The following GPR143 variants were observed in gnomAD, a reference collection of about 807,000 sequenced individuals.
The protein encoded by GPR143 is G protein-coupled receptor 143, also known as G-protein coupled receptor 143.
GPR143 carries 8 observed loss-of-function variants against 27.6 expected under a neutral mutation model. That is an observed-to-expected ratio of 0.29 (90% CI 0.17 to 0.52). The LOEUF is 0.52. GPR143 is among the 20% of genes least tolerant of loss of function. The pLI, the probability that GPR143 is intolerant of heterozygous loss-of-function variation, is 0.96. For missense variants in GPR143, 303 were observed against 343.1 expected, an observed-to-expected ratio of 0.88 and a Z score of 0.92; for synonymous variants, 156 against 153.2, an observed-to-expected ratio of 1.02 and a Z score of -0.13.
chrX:9,763,670 TGTAA>T lies in GPR143; in HGVS notation c.250+1894_250+1897del, dbSNP rs781406581. ...ACGAATCCCACGTACAGGGATTCAC[TGTAA>T]GTGTTTCTATTATAGACTGCATTTA... On this transcript the variant is annotated intron_variant, in intron 1 of 8. Coordinates refer to ENST00000467482, the MANE Select transcript of GPR143 (RefSeq NM_000273.3). Among the ~76,000 whole-genome samples the T allele has an allele frequency of 5.0e-3, 563 of 111,930 alleles. 5 individuals carry two copies. Among genetic ancestry groups the T allele is most frequent in the African/African-American group, 0.018 (543 of 30,791 alleles).
chrX:9,772,646 T>G (rs768427449), intron 1 of GPR143, among the ~76,000 whole-genome samples: 8 of 108,491 alleles, frequency 7.4e-5, no homozygotes, highest in Admixed American at 4.0e-4. Flanking sequence ...ACCTCATCTC[T>G]ACTAAAATTC....
chrX:9,743,489 G>T lies in GPR143; in HGVS notation c.767+76C>A. The T allele has an allele frequency of 6.7e-6, 4 of 596,750 alleles. No individual in the cohort carries two copies. The Admixed American group carries it at 8.9e-5, about 13-fold the overall frequency. 49.2% of individuals were successfully genotyped at this position (596,750 alleles called of 1,213,427 possible). On this transcript the variant is annotated intron_variant, in intron 6 of 8. Coordinates refer to ENST00000467482, the MANE Select transcript of GPR143 (RefSeq NM_000273.3). ...TCTTCCCTTTGGAACTTCTGGTCAC[G>T]CATGCAACATGGCAAGTTGTTTCCA...
rs1472103145 is a variant in GPR143 at position 9,725,577 on chromosome X, C to T, written c.*169G>A. On this transcript the variant is annotated 3_prime_UTR_variant, in exon 9 of 9. Coordinates refer to ENST00000467482, the MANE Select transcript of GPR143 (RefSeq NM_000273.3). Reference sequence around the variant, plus strand: ...TCACACGTGTGTGCATGAACCCTTTCTCCTATCCTAAAGGCCCTTCGGGAA... The same window carrying T: ...TCACACGTGTGTGCATGAACCCTTTTTCCTATCCTAAAGGCCCTTCGGGAA... 4.4e-6 allele frequency: 2 copies of T among 449,654 alleles called. No individual in the cohort carries two copies. Among genetic ancestry groups the T allele is most frequent in the African/African-American group, 2.4e-5 (1 of 40,895 alleles). 37.1% of individuals were successfully genotyped at this position (449,654 alleles called of 1,213,427 possible). A position where few individuals can be genotyped will look rare whatever the true frequency, so the allele number is the denominator to read the frequency against.
At chrX:9,772,782 C>G (rs2083558581) in intron 1 of GPR143, among the ~76,000 whole-genome samples, 1 of 97,478 alleles carries the variant, frequency 1.0e-5, no homozygotes, top group African/African-American at 3.9e-5. Context: ...TCACTGCACT[C>G]CAGCCTGGGT....
chrX:9,763,219 G>A (rs905443984), intron 1 of GPR143, among the ~76,000 whole-genome samples: 7 of 110,872 alleles, frequency 6.3e-5, no homozygotes, highest in Non-Finnish European at 1.1e-4. Flanking sequence ...GATTACAGGC[G>A]TGAGCCACCG....
In GPR143 at chrX:9,760,836, A is replaced by G. The variant is rs1450893365; in HGVS notation, c.251-10T>C. 12 of 939,239 alleles carry G rather than the reference A, an allele frequency of 1.3e-5. No individual in the cohort carries two copies. The highest frequency in any genetic ancestry group is 1.8e-5 in the Non-Finnish European group (12 of 656,567). The allele number at this position is 939,239 out of a possible 1,213,427, so 77.4% of individuals were successfully genotyped here. A position where few individuals can be genotyped will look rare whatever the true frequency, so the allele number is the denominator to read the frequency against. ...GACCGGATCACCATACCTAAGAGAG[A>G]ATTGGATAATACTTTGTATCTGATC... is the stretch of plus-strand genomic sequence containing the variant. On this transcript the variant is annotated splice_polypyrimidine_tract_variant and intron_variant, in intron 1 of 8. Transcript: ENST00000467482.
intron 8 of GPR143, among the ~76,000 whole-genome samples, chrX:9,733,244 C>T (rs1479048140): frequency 1.0e-4 from 11 of 110,329 alleles, no homozygotes; most frequent in Admixed American, 3.9e-4. Context: ...ATTGTGAAGC[C>T]GTATTGTGGG....
intron 5 of GPR143, among the ~76,000 whole-genome samples, chrX:9,744,860 C>A (rs1247636841): frequency 1.8e-5 from 2 of 112,271 alleles, no homozygotes; most frequent in African/African-American, 6.5e-5. Flanking sequence ...TAGTGTATTT[C>A]TTTTCAGTCT....
At chrX:9,746,414 G>T (rs1465471588) in intron 4 of GPR143, among the ~76,000 whole-genome samples, 1 of 110,687 alleles carries the variant, frequency 9.0e-6, no homozygotes, top group African/African-American at 3.3e-5. Flanking sequence ...AGCTTTTAAA[G>T]GTTCCTGCTG....
chrX:9,764,281 C>T (rs1275490450), intron 1 of GPR143, among the ~76,000 whole-genome samples: 2 of 111,042 alleles, frequency 1.8e-5, no homozygotes, highest in African/African-American at 6.6e-5. Flanking sequence ...GAGGGTGAGA[C>T]CCTGTCTCAA....
chrX:9,751,325 A>G (rs1450313787), intron 3 of GPR143, among the ~76,000 whole-genome samples: 2 of 112,249 alleles, frequency 1.8e-5, no homozygotes, highest in Non-Finnish European at 3.8e-5. Context: ...AGGCGGCCCC[A>G]GCAATGGGAT....
chrX:9,736,683 T>C (rs1035660625), intron 8 of GPR143, among the ~76,000 whole-genome samples: 2 of 111,722 alleles, frequency 1.8e-5, no homozygotes, highest in Non-Finnish European at 3.8e-5. Context: ...TGTTACCTAA[T>C]AATATGTCAC....
chrX:9,742,391 C>A (rs142817685), intron 6 of GPR143, among the ~76,000 whole-genome samples: 14 of 111,414 alleles, frequency 1.3e-4, no homozygotes, highest in African/African-American at 4.6e-4. Flanking sequence ...GCCTCAGCCT[C>A]CCGAGTAGCT....
At chrX:9,743,080 C>G (rs895140581) in intron 6 of GPR143, among the ~76,000 whole-genome samples, 19 of 109,692 alleles carry the variant, frequency 1.7e-4, no homozygotes, top group African/African-American at 6.0e-4. Flanking sequence ...GCACTCCAGC[C>G]TGGGTGACAG....
At chrX:9,749,669 C>G (rs1471506549) in intron 3 of GPR143, among the ~76,000 whole-genome samples, 1 of 112,482 alleles carries the variant, frequency 8.9e-6, no homozygotes, top group East Asian at 2.8e-4. Context: ...TGCTATGTTG[C>G]CCAAGCTGGT....
chrX:9,770,752 C>T (rs1283502223), upstream of GPR143, among the ~76,000 whole-genome samples: 3 of 111,464 alleles, frequency 2.7e-5, no homozygotes, highest in Non-Finnish European at 5.6e-5. Flanking sequence ...CTTTTGTGCT[C>T]ACTCCTAGAG....
upstream of GPR143, among the ~76,000 whole-genome samples, chrX:9,769,153 G>A (rs780064084): frequency 3.6e-5 from 4 of 111,922 alleles, no homozygotes; most frequent in East Asian, 1.1e-3. Context: ...CGGTCTTTGA[G>A]TACATGAAGG....
intron 5 of GPR143, among the ~76,000 whole-genome samples, 178 bp downstream of exon 5, chrX:9,745,866 A>G (rs1005646459): frequency 9.8e-5 from 11 of 112,224 alleles, no homozygotes; most frequent in African/African-American, 3.6e-4. Flanking sequence ...AGGCCTGCAC[A>G]TTTTCATTTA....
chrX:9,767,082 A>C (rs557986529), upstream of GPR143, among the ~76,000 whole-genome samples: 1 of 111,427 alleles, frequency 9.0e-6, no homozygotes, highest in Non-Finnish European at 1.9e-5. Context: ...TAATTTTTCT[A>C]TGTTTTCTCA....
Sources: gnomAD v4.1 joint callset for allele counts (sites outside exome capture counted in the v4.1 genomes callset) on GRCh38, gnomAD v4.1.1 for gene constraint, MANE v1.5 for transcripts, NCBI Gene and HGNC (gene_info 2026-07-23, HGNC 2026-07-21) for gene names.